CCDC191: variants seen among roughly 807,000 people sequenced by gnomAD.
CCDC191 encodes coiled-coil domain-containing protein 191.
CCDC191 carries 99 observed loss-of-function variants against 114.0 expected under a neutral mutation model. The observed-to-expected ratio is 0.87, with a 90% CI of 0.74 to 1.03. The LOEUF is 1.03. CCDC191 is among the 50% of genes least tolerant of loss of function. The probability of loss-of-function intolerance (pLI) is 0.00; values close to 1 mark genes in which losing one functional copy is unlikely to be tolerated. For missense variants in CCDC191, 973 were observed against 1,087.0 expected, an observed-to-expected ratio of 0.90 and a Z score of 1.47; for synonymous variants, 351 against 376.0, an observed-to-expected ratio of 0.93 and a Z score of 0.77.
intron 9 of CCDC191, among the ~76,000 whole-genome samples, chr3:114,007,524 A>C (rs549063109): frequency 6.6e-6 from 1 of 152,188 alleles, no homozygotes; most frequent in Non-Finnish European, 1.5e-5. Context: ...CAAGCAGGGT[A>C]TATGTTTTAG....
At position 114,005,558 on chromosome 3, in the gene CCDC191, C is replaced by A; in HGVS notation, c.1818G>T (p.Leu606=). The change falls in exon 10 of 17, where the codon CTG becomes CTT. Residue 606 remains leucine, a synonymous_variant. Transcript: ENST00000295878. ...GTTCCTCTTCTCTGGGCTTTGACAG[C>A]AGGTGGCTCTGTGCTTCTGTGACTG... is the stretch of plus-strand genomic sequence containing the variant. The part of the protein sequence containing the change: ...ALAVTEAQSH[L]LSKPREEEPR... 1 of 1,613,830 alleles carries A rather than the reference C, an allele frequency of 6.2e-7. No individual in the cohort carries two copies. The highest frequency in any genetic ancestry group is 8.5e-7 in the Non-Finnish European group (1 of 1,179,918).
At chr3:114,046,436 T>C (rs922867376) in intron 3 of CCDC191, among the ~76,000 whole-genome samples, 155 bp downstream of exon 3, 1 of 152,212 alleles carries the variant, frequency 6.6e-6, no homozygotes, top group African/African-American at 2.4e-5. Context: ...ACTTGTAATA[T>C]TGGAGTTAAT....
rs560463098 is a variant in CCDC191, at chr3:114,036,270, G to A, written c.594+338C>T. ...TCTCAAGAATATTAATAATATTAAC[G>A]TTACAATTTGAAAACCAAACTCAAG... On this transcript the variant is annotated intron_variant, in intron 5 of 16. Transcript: ENST00000295878. 2.1e-4 allele frequency among the ~76,000 whole-genome samples: 32 copies of A among 152,148 alleles called. No homozygotes were observed. In the South Asian group the frequency reaches 5.4e-3, roughly 26 times the overall value.
chr3:114,017,000 G>A (rs951329336), intron 8 of CCDC191, among the ~76,000 whole-genome samples: 1 of 151,774 alleles, frequency 6.6e-6, no homozygotes, highest in African/African-American at 2.4e-5. Flanking sequence ...AGAGTTTTCT[G>A]TGTTGGCCTC....
In CCDC191 at chr3:114,041,669, T is replaced by A. The variant is rs527668408; in HGVS notation, c.415+1034A>T. Among the ~76,000 whole-genome samples, 3 of 152,292 alleles carry A rather than the reference T, an allele frequency of 2.0e-5. No homozygotes were observed. The South Asian group carries it at 6.2e-4, about 32-fold the overall frequency. ...TTCTAATTTTACAAGCTGATAGTTT[T>A]GTGATCCTCAAGCTGGGGATTTTGC... On this transcript the variant is annotated intron_variant, in intron 4 of 16. Transcript: ENST00000295878.
chr3:114,027,607 A>AG (rs2076340794), intron 7 of CCDC191, among the ~76,000 whole-genome samples: 2 of 148,924 alleles, frequency 1.3e-5, no homozygotes. Context: ...GTCTCAAAAA[A>AG]AAAAAAAAAA....
chr3:114,002,705 A>C, intron 11 of CCDC191, 167 bp from the exon 12 acceptor site: 1 of 905,668 alleles, frequency 1.1e-6, no homozygotes, highest in East Asian at 1.2e-4. Flanking sequence ...AACAGAACTT[A>C]TATACTCTAC....
chr3:113,975,828 A>AAGAG (rs1219940634), intron 16 of CCDC191, among the ~76,000 whole-genome samples: 1 of 152,222 alleles, frequency 6.6e-6, no homozygotes, highest in African/African-American at 2.4e-5. Context: ...GCAAAGTGGG[A>AAGAG]AGAGATGAAA....
At chr3:114,000,262 A>C (rs2075829340) in intron 13 of CCDC191, among the ~76,000 whole-genome samples, 1 of 150,702 alleles carries the variant, frequency 6.6e-6, no homozygotes, top group Non-Finnish European at 1.5e-5. Flanking sequence ...TAGAACTTTC[A>C]AAAAGGAGGA....
At chr3:114,011,330 G>C (rs1160469895) in intron 8 of CCDC191, among the ~76,000 whole-genome samples, 1 of 152,054 alleles carries the variant, frequency 6.6e-6, no homozygotes, top group Non-Finnish European at 1.5e-5. Context: ...AGGGGAAAGA[G>C]CAAAAAGAAG....
chr3:114,050,722 T>C (rs1342718479), intron 2 of CCDC191, among the ~76,000 whole-genome samples: 1 of 152,194 alleles, frequency 6.6e-6, no homozygotes, highest in East Asian at 1.9e-4. Context: ...ATTGATATTA[T>C]AGGTTGACTG....
intron 7 of CCDC191, among the ~76,000 whole-genome samples, chr3:114,020,911 C>T (rs543833690): frequency 2.9e-4 from 44 of 152,102 alleles, no homozygotes; most frequent in African/African-American, 8.9e-4. Context: ...AAGCATCTTA[C>T]GTGTACTATT....
chr3:114,049,794 A>T (rs1459570418), intron 2 of CCDC191, among the ~76,000 whole-genome samples: 1 of 152,234 alleles, frequency 6.6e-6, no homozygotes, highest in East Asian at 1.9e-4. Context: ...GTGTTAAAAC[A>T]TTACATCCTT....
intron 5 of CCDC191, 47 bp downstream of exon 5, chr3:114,036,561 A>G: frequency 7.2e-7 from 1 of 1,393,922 alleles, no homozygotes; most frequent in Non-Finnish European, 9.8e-7. Flanking sequence ...TGTGTTACAC[A>G]AAGACTGCTT....
At chr3:114,047,284 T>A (rs1332577791) in intron 2 of CCDC191, 1 of 217,038 alleles carries the variant, frequency 4.6e-6, no homozygotes, top group African/African-American at 2.3e-5. Context: ...AGTAAAAACA[T>A]GACCAAATTT....
rs199508716 is a variant in CCDC191 at position 114,021,458 on chromosome 3, TA to T, written c.973-2591del. ...AAACCAATCCCATTAAAATTTAAATTAAAAAAAAAAGTGTGAATCAAGAATA... is the reference window on the plus strand; with the variant it reads ...AAACCAATCCCATTAAAATTTAAATTAAAAAAAAAGTGTGAATCAAGAATA... On this transcript the variant is annotated intron_variant, in intron 7 of 16. Coordinates refer to ENST00000295878, the MANE Select transcript of CCDC191 (RefSeq NM_020817.2). Among the ~76,000 whole-genome samples the T allele has an allele frequency of 2.5e-3, 377 of 148,266 alleles. 4 individuals carry two copies. The Middle Eastern group carries it at 0.059, about 23-fold the overall frequency.
At chr3:114,021,210 A>G (rs1301734869) in intron 7 of CCDC191, among the ~76,000 whole-genome samples, 10 of 152,158 alleles carry the variant, frequency 6.6e-5, no homozygotes, top group Non-Finnish European at 8.8e-5. Flanking sequence ...GGTTAGGAAC[A>G]TATCTGAATG....
chr3:114,008,215 G>A (rs2076006753), intron 9 of CCDC191, among the ~76,000 whole-genome samples: 1 of 146,056 alleles, frequency 6.8e-6, no homozygotes, highest in Admixed American at 6.9e-5. Flanking sequence ...GTGGCACTTT[G>A]TAAGGTAAAA....
At position 114,010,779 on chromosome 3, in the gene CCDC191, T is replaced by C; in HGVS notation, c.1406A>G (p.Asn469Ser). 1 of 1,606,384 alleles carries C rather than the reference T, an allele frequency of 6.2e-7. No individual in the cohort carries two copies. Among genetic ancestry groups the C allele is most frequent in the Non-Finnish European group, 8.5e-7 (1 of 1,175,620 alleles). The change falls in exon 9 of 17, where the codon AAT becomes AGT. Residue 469 changes from asparagine to serine, a missense_variant. Physicochemically the swap from Asn to Ser is conservative, Grantham distance 46. Transcript: ENST00000295878. ...ATAMVGPPVK[N>S]GQETAVPPLW... ...GCAGGAAAAACAACGTACCTGTCCA[T>C]TTTTTACTGGTGGACCCACCATGGC... is the stretch of plus-strand genomic sequence containing the variant.
Sources: gnomAD v4.1 joint callset for allele counts (sites outside exome capture counted in the v4.1 genomes callset) on GRCh38, gnomAD v4.1.1 for gene constraint, MANE v1.5 for transcripts, NCBI Gene and HGNC (gene_info 2026-07-23, HGNC 2026-07-21) for gene names.